The following CANX variants were observed in gnomAD, a reference collection of about 807,000 sequenced individuals.
CANX encodes calnexin, also known as epididymis secretory sperm binding protein.
CANX carries 14 observed loss-of-function variants against 75.7 expected under a neutral mutation model. The ratio of observed to expected loss-of-function variants is 0.19; its 90% CI spans 0.12 to 0.29. The LOEUF (loss-of-function observed/expected upper bound fraction) is 0.29, where lower values mean the gene tolerates loss of function less well. Ranked by LOEUF, CANX falls within the 10% of genes least tolerant of loss-of-function variation. The probability of loss-of-function intolerance (pLI) is 1.00; values close to 1 mark genes in which losing one functional copy is unlikely to be tolerated. For synonymous variants in CANX, 227 were observed against 236.9 expected, an observed-to-expected ratio of 0.96 and a Z score of 0.38; for missense variants, 567 against 713.2, an observed-to-expected ratio of 0.79 and a Z score of 2.34.
intron 8 of CANX, among the ~76,000 whole-genome samples, chr5:179,716,721 C>T (rs1452637806): frequency 4.6e-5 from 7 of 152,104 alleles, no homozygotes; most frequent in African/African-American, 1.7e-4. Flanking sequence ...CACAAGGACA[C>T]CACCATCTGC....
intron 8 of CANX, among the ~76,000 whole-genome samples, chr5:179,716,784 G>A (rs989495014): frequency 1.3e-5 from 2 of 152,182 alleles, no homozygotes; most frequent in Admixed American, 1.3e-4. Flanking sequence ...ATGTGGTATC[G>A]TAAGGGTTCA....
upstream of CANX, among the ~76,000 whole-genome samples, chr5:179,695,168 G>A (rs1776371449): frequency 6.6e-6 from 1 of 151,792 alleles, no homozygotes; most frequent in African/African-American, 2.4e-5. Context: ...TCCTGCCCCA[G>A]CCTCCCCAGC....
At chr5:179,693,059 T>A (rs1269762496) in intron 1 of CANX, among the ~76,000 whole-genome samples, 2 of 146,222 alleles carry the variant, frequency 1.4e-5, no homozygotes, top group African/African-American at 5.1e-5. Flanking sequence ...GGAAGGAGAA[T>A]CATGTGAACT....
rs6880839 is a variant in CANX at position 179,679,330 on chromosome 5, G to A, written c.-4+553G>A. The A allele has an allele frequency of 1.7e-3, 2,294 of 1,328,436 alleles. 45 individuals are homozygous for A. The African/African-American group carries it at 0.031, about 18-fold the overall frequency. The allele number at this position is 1,328,436 out of a possible 1,614,324, so 82.3% of individuals were successfully genotyped here. A position where few individuals can be genotyped will look rare whatever the true frequency, so the allele number is the denominator to read the frequency against. The stretch of plus-strand genomic sequence containing the variant: ...AGGCCGCCTCTCAAACCGCGAGGCC[G>A]GCGGACATGTCTTAGCCCTGCAGCT... On this transcript the variant is annotated intron_variant, in intron 1 of 14. Transcript: ENST00000681674.
intron 8 of CANX, among the ~76,000 whole-genome samples, chr5:179,716,520 G>A (rs1425783583): frequency 6.6e-6 from 1 of 152,230 alleles, no homozygotes; most frequent in African/African-American, 2.4e-5. Context: ...CTTGATAAGA[G>A]TTTGTCTGTG....
chr5:179,679,025 C>T (rs752235289), intron 1 of CANX: 1 of 1,534,950 alleles, frequency 6.5e-7, no homozygotes, highest in South Asian at 1.2e-5. Flanking sequence ...GGGCATGCGG[C>T]GCAGTGGCGG....
At chr5:179,686,696 G>T (rs1776196878) in intron 1 of CANX, among the ~76,000 whole-genome samples, 2 of 150,594 alleles carry the variant, frequency 1.3e-5, no homozygotes, top group Admixed American at 1.3e-4. Flanking sequence ...GAACTCCTGG[G>T]CTCAAGCGTT....
At chr5:179,683,019 C>T (rs962884491) in intron 1 of CANX, among the ~76,000 whole-genome samples, 1 of 152,232 alleles carries the variant, frequency 6.6e-6, no homozygotes, top group African/African-American at 2.4e-5. Flanking sequence ...GGGACAGACC[C>T]AGATCCACAG....
intron 7 of CANX, among the ~76,000 whole-genome samples, chr5:179,715,661 G>A (rs1056880272): frequency 1.3e-5 from 2 of 152,144 alleles, no homozygotes; most frequent in Non-Finnish European, 2.9e-5. Flanking sequence ...TAAATTGGAG[G>A]TTTGTGTAAT....
chr5:179,710,927 G>A (rs1357128637), intron 7 of CANX, among the ~76,000 whole-genome samples: 11 of 151,560 alleles, frequency 7.3e-5, no homozygotes, highest in Admixed American at 7.2e-4. Context: ...GTGTTGAGTA[G>A]CTGGTGTAAT....
At chr5:179,728,566 T>C in intron 14 of CANX, 25 bp from the exon 15 acceptor site, 1 of 1,395,154 alleles carries the variant, frequency 7.2e-7, no homozygotes, top group Non-Finnish European at 1.0e-6. Flanking sequence ...GTGCTAATTA[T>C]AATGAATTTC....
chr5:179,709,401 G>A (rs7732112), intron 6 of CANX, among the ~76,000 whole-genome samples: 54,134 of 150,436 alleles, frequency 0.36, 10,731 homozygotes, highest in South Asian at 0.55. Context: ...GCGACAGAGC[G>A]AGACTCCATC....
chr5:179,706,207 G>C, intron 2 of CANX, 51 bp from the exon 3 acceptor site: 1 of 994,768 alleles, frequency 1.0e-6, no homozygotes, highest in Non-Finnish European at 1.6e-6. Context: ...TAGATAAAAA[G>C]GCATGTTGCT....
chr5:179,694,783 T>G, upstream of CANX: 1 of 431,808 alleles, frequency 2.3e-6, no homozygotes. Flanking sequence ...AGTGTTTATC[T>G]GTCAAAAAAA....
At chr5:179,682,035 G>C (rs1776076974) in intron 1 of CANX, among the ~76,000 whole-genome samples, 2 of 151,464 alleles carry the variant, frequency 1.3e-5, no homozygotes. Flanking sequence ...TGGATCACCT[G>C]AAGTCAGAAG....
Position 179,728,735 on chromosome 5 carries a change from A to T in CANX, c.*91A>T, listed in dbSNP as rs901633083. 1 of 880,878 alleles carries T rather than the reference A, an allele frequency of 1.1e-6. No individual in the cohort carries two copies. Among genetic ancestry groups the T allele is most frequent in the African/African-American group, 1.7e-5 (1 of 60,274 alleles). 54.6% of individuals were successfully genotyped at this position (880,878 alleles called of 1,614,324 possible). On this transcript the variant is annotated 3_prime_UTR_variant, in exon 15 of 15. Transcript: ENST00000247461. The stretch of plus-strand genomic sequence containing the variant: ...AGGACCTGGCACACCTTAGGTTGAC[A>T]TTCAGAAAACTTCAAGACATCACCA...
intron 1 of CANX, among the ~76,000 whole-genome samples, chr5:179,684,926 A>ATTTTTTTTGTTTTTTTTTTTTT (rs1776160880): frequency 2.0e-5 from 1 of 49,138 alleles, no homozygotes; most frequent in African/African-American, 9.0e-5. Context: ...CTAATTTTGT[A>ATTTTTTTTGTTTTTTTTTTTTT]TTTTTTTTTT....
chr5:179,689,918 C>G lies in CANX; in HGVS notation c.-4+11141C>G, dbSNP rs143022956. Reference sequence around the variant, plus strand: ...CTGGTTCCTTTGAGGATCCCCATCTCAATGTCACTGAAAAGATGAGGTTTG... The same window carrying G: ...CTGGTTCCTTTGAGGATCCCCATCTGAATGTCACTGAAAAGATGAGGTTTG... On this transcript the variant is annotated intron_variant, in intron 1 of 14. Coordinates refer to the CANX transcript ENST00000681674. Among the ~76,000 whole-genome samples the G allele has an allele frequency of 5.3e-3, 812 of 152,270 alleles. 2 individuals are homozygous for G. The highest frequency in any genetic ancestry group is 7.7e-3 in the Non-Finnish European group (527 of 68,028).
chr5:179,699,017 T>G lies in CANX; in HGVS notation c.-89T>G. 1 of 1,115,462 alleles carries G rather than the reference T, an allele frequency of 9.0e-7. No individual in the cohort carries two copies. The highest frequency in any genetic ancestry group is 1.1e-6 in the Non-Finnish European group (1 of 906,706). The allele number at this position is 1,115,462 out of a possible 1,614,324, so 69.1% of individuals were successfully genotyped here. ...TGCGGCACGTGACGGTCGGGCCGCC[T>G]CCGCCTCTCTCTTTACTGCGGCGCG... is the stretch of plus-strand genomic sequence containing the variant. On this transcript the variant is annotated 5_prime_UTR_variant, in exon 1 of 15. Coordinates refer to ENST00000247461, the MANE Select transcript of CANX (RefSeq NM_001746.4).
Sources: gnomAD v4.1 joint callset for allele counts (sites outside exome capture counted in the v4.1 genomes callset) on GRCh38, gnomAD v4.1.1 for gene constraint, MANE v1.5 for transcripts, NCBI Gene and HGNC (gene_info 2026-07-23, HGNC 2026-07-21) for gene names.